Variants in SCAF4 observed in about 807,000 individuals in gnomAD.
SCAF4 encodes the protein SR-related CTD associated factor 4.
In SCAF4, 25 loss-of-function variants were observed where a neutral mutation model predicts 129.8. The ratio of observed to expected loss-of-function variants is 0.19; its 90% CI spans 0.14 to 0.27. SCAF4 has a LOEUF of 0.27. Ranked by LOEUF, SCAF4 falls within the 10% of genes least tolerant of loss-of-function variation. The pLI, the probability that SCAF4 is intolerant of heterozygous loss-of-function variation, is 1.00. For synonymous variants in SCAF4, 551 were observed against 497.7 expected, an observed-to-expected ratio of 1.11 and a Z score of -1.43; for missense variants, 1,246 against 1,457.1, an observed-to-expected ratio of 0.86 and a Z score of 2.36.
chr21:31,696,308 G>T, intron 8 of SCAF4, 87 bp from the exon 9 acceptor site: 1 of 1,000,404 alleles, frequency 1.0e-6, no homozygotes, highest in African/African-American at 1.6e-5. Context: ...TGTTGTTCAT[G>T]AGTCATTAAC....
Position 31,701,822 on chromosome 21 carries a change from G to C in SCAF4, c.554C>G (p.Ala185Gly). 1.2e-6 allele frequency: 2 copies of C among 1,613,758 alleles called. No homozygotes were observed. The highest frequency in any genetic ancestry group is 1.7e-6 in the Non-Finnish European group (2 of 1,179,912). Residue 185 changes from alanine to glycine, a missense_variant, in exon 6 of 20, where the codon GCT becomes GGT. Physicochemically the swap from Ala to Gly is moderately conservative, Grantham distance 60 (BLOSUM62 0). This residue lies in a region of SCAF4 where 143 missense variants were observed against 161.0 expected (regional missense o/e 0.89). Transcript: ENST00000286835. Reference protein sequence around the residue: ...PAVPQLPSSDAFAAVAQLFQT... With the variant: ...PAVPQLPSSDGFAAVAQLFQT... Reference sequence around the variant, plus strand: ...AAACAGCTGAGCCACAGCAGCAAAAGCATCAGAGCTGGGCAACTGTGGTAC... The same window carrying C: ...AAACAGCTGAGCCACAGCAGCAAAACCATCAGAGCTGGGCAACTGTGGTAC...
rs761218828 is a variant in SCAF4 at position 31,671,648 on chromosome 21, A to C, written c.3195T>G (p.Asp1065Glu). ...CTTCCTTCTCTCTACGAGACTCTCT[A>C]TCTCTAGAATCTCTCTCTCTGTCTC... Reference protein sequence around the residue: ...GHRDRERDSRDRESRREKEEA... With the variant: ...GHRDRERDSRERESRREKEEA... The change falls in exon 20 of 20, where the codon GAT becomes GAG. Residue 1065 changes from aspartate (D) to glutamate (E), a missense_variant. Asp to Glu is a conservative substitution (Grantham distance 45). Around this residue, in one of 6 missense-constraint regions of SCAF4, gnomAD observed 339 missense variants for 325.0 expected, o/e 1.04. Coordinates refer to ENST00000286835, the MANE Select transcript of SCAF4 (RefSeq NM_020706.2). 58 of 1,613,438 alleles carry C rather than the reference A, an allele frequency of 3.6e-5. No homozygotes were observed. In the East Asian group the frequency reaches 4.5e-4, roughly 12 times the overall value.
In SCAF4 at chr21:31,692,452, T is replaced by TA. The variant is rs1800397539; in HGVS notation, c.1514-4dup. Reference sequence around the variant, plus strand: ...CACCCAGAGGGTAGTACTGCAAACTTAAAATAAAATTACAATCATAAAGAG... The same window carrying TA: ...CACCCAGAGGGTAGTACTGCAAACTTAAAAATAAAATTACAATCATAAAGAG... On this transcript the variant is annotated splice_polypyrimidine_tract_variant and splice_region_variant and intron_variant, in intron 12 of 19. Coordinates refer to ENST00000286835, the MANE Select transcript of SCAF4 (RefSeq NM_020706.2). The TA allele has an allele frequency of 6.3e-7, 1 of 1,598,600 alleles. No homozygotes were observed. The highest frequency in any genetic ancestry group is 1.3e-5 in the African/African-American group (1 of 74,680).
At chr21:31,674,425 G>C (rs754481214) in intron 19 of SCAF4, among the ~76,000 whole-genome samples, 7 of 152,140 alleles carry the variant, frequency 4.6e-5, no homozygotes, top group Admixed American at 6.5e-5. Context: ...AAGCTAAAAA[G>C]ATGTGGCCAG....
intron 16 of SCAF4, among the ~76,000 whole-genome samples, chr21:31,687,588 T>C (rs1187451627): frequency 6.6e-6 from 1 of 151,918 alleles, no homozygotes; most frequent in Non-Finnish European, 1.5e-5. Flanking sequence ...TATTATGAAG[T>C]TTTCAATCCA....
intron 1 of SCAF4, among the ~76,000 whole-genome samples, chr21:31,730,812 G>C (rs2051332607): frequency 6.6e-6 from 1 of 152,220 alleles, no homozygotes; most frequent in Non-Finnish European, 1.5e-5. Context: ...AGAACTTTAA[G>C]GCCGCAGGCA....
rs977341172 is a variant in SCAF4, at chr21:31,688,203, T to G, written c.2043+104A>C. Reference sequence around the variant, plus strand: ...ATGAAAAATGTAATATGCACATATATGTACTCATGTTTTTTACTATGAATC... The same window carrying G: ...ATGAAAAATGTAATATGCACATATAGGTACTCATGTTTTTTACTATGAATC... On this transcript the variant is annotated intron_variant, in intron 16 of 19. Transcript: ENST00000286835. 1.2e-5 allele frequency: 11 copies of G among 950,562 alleles called. No homozygotes were observed. The East Asian group carries it at 2.7e-4, about 23-fold the overall frequency. 58.9% of individuals were successfully genotyped at this position (950,562 alleles called of 1,614,324 possible).
chr21:31,681,836 A>G lies in SCAF4; in HGVS notation c.2488+3213T>C, dbSNP rs565653784. Among the ~76,000 whole-genome samples the G allele has an allele frequency of 2.4e-4, 37 of 152,310 alleles. 1 individual carries two copies. In the East Asian group the frequency reaches 2.9e-3, roughly 12 times the overall value. On this transcript the variant is annotated intron_variant, in intron 19 of 19. Coordinates refer to ENST00000286835, the MANE Select transcript of SCAF4 (RefSeq NM_020706.2). Reference sequence around the variant, plus strand: ...GATACAACCAAACCATCCTTAAGGCACCCACTGCCTCTTTCCAGTATAATC... The same window carrying G: ...GATACAACCAAACCATCCTTAAGGCGCCCACTGCCTCTTTCCAGTATAATC...
chr21:31,731,528 G>A, intron 1 of SCAF4, 135 bp downstream of exon 1: 1 of 1,046,320 alleles, frequency 9.6e-7, no homozygotes, highest in Non-Finnish European at 1.4e-6. Context: ...CCCGCTCCGC[G>A]CAGGCCCCGC....
At chr21:31,708,370 A>C (rs980432809) in intron 1 of SCAF4, among the ~76,000 whole-genome samples, 1 of 151,500 alleles carries the variant, frequency 6.6e-6, no homozygotes, top group African/African-American at 2.4e-5. Context: ...ACAGAGCGAG[A>C]CTCTGTCTTT....
intron 1 of SCAF4, among the ~76,000 whole-genome samples, chr21:31,708,203 C>T (rs1262954907): frequency 1.3e-5 from 2 of 151,896 alleles, no homozygotes; most frequent in African/African-American, 4.8e-5. Context: ...GCCTGGCCAA[C>T]GTGGCGAAAC....
intron 1 of SCAF4, among the ~76,000 whole-genome samples, chr21:31,713,105 T>C (rs182904280): frequency 1.3e-5 from 2 of 152,394 alleles, no homozygotes. Context: ...GATTTATTAC[T>C]GAGTCCTTAC....
At position 31,674,245 on chromosome 21, in the gene SCAF4, CATTT is replaced by C. The variant is rs573734984; in HGVS notation, c.2489-1895_2489-1892del. ...CATCTCTTAAGTACTTTACAGCATT[CATTT>C]GAGGGTATAAATTAACAGGGTTAAA... On this transcript the variant is annotated intron_variant, in intron 19 of 19. Transcript: ENST00000286835. Among the ~76,000 whole-genome samples the C allele has an allele frequency of 1.9e-3, 290 of 152,264 alleles. 1 individual carries two copies. Among genetic ancestry groups the C allele is most frequent in the African/African-American group, 6.0e-3 (248 of 41,542 alleles).
intron 1 of SCAF4, among the ~76,000 whole-genome samples, chr21:31,710,535 C>T (rs529918349): frequency 2.0e-5 from 3 of 152,086 alleles, no homozygotes; most frequent in Admixed American, 6.5e-5. Context: ...GGATACAGAC[C>T]GAGACTCCGT....
intron 10 of SCAF4, 30 bp downstream of exon 10, chr21:31,694,783 A>T (rs1461501735): frequency 6.2e-7 from 1 of 1,608,724 alleles, no homozygotes; most frequent in East Asian, 2.2e-5. Context: ...CAACAAAAAA[A>T]GATAAAACTA....
At chr21:31,687,598 ATTT>A (rs2050156923) in intron 16 of SCAF4, among the ~76,000 whole-genome samples, 1 of 152,168 alleles carries the variant, frequency 6.6e-6, no homozygotes, top group Non-Finnish European at 1.5e-5. Context: ...TTTTCAATCC[ATTT>A]AAAAATTTCA....
chr21:31,688,556 G>T, intron 15 of SCAF4, 92 bp from the exon 16 acceptor site: 1 of 1,029,850 alleles, frequency 9.7e-7, no homozygotes, highest in Non-Finnish European at 1.4e-6. Flanking sequence ...TAAAAACCTA[G>T]CCCAGTTATT....
intron 16 of SCAF4, 120 bp downstream of exon 16, chr21:31,688,187 G>T: frequency 1.1e-4 from 32 of 297,002 alleles, no homozygotes; most frequent in South Asian, 1.6e-4. Context: ...CATGAAAAAT[G>T]TAATATGCAC....
chr21:31,692,320 C>A (rs750253370), intron 13 of SCAF4, 29 bp downstream of exon 13: 1 of 1,518,936 alleles, frequency 6.6e-7, no homozygotes, highest in Admixed American at 1.7e-5. Flanking sequence ...ACCTGTCCAT[C>A]GTACTTAAAA....
Sources: gnomAD v4.1 joint callset for allele counts (sites outside exome capture counted in the v4.1 genomes callset) on GRCh38, gnomAD v4.1.1 for gene constraint, gnomAD v4.1.1 regional missense constraint, MANE v1.5 for transcripts, NCBI Gene and HGNC (gene_info 2026-07-23, HGNC 2026-07-21) for gene names.